Variants in ENOX1 observed in about 807,000 individuals in gnomAD.
ENOX1 encodes ecto-NOX disulfide-thiol exchanger 1.
A neutral mutation model predicts 82.5 loss-of-function variants in ENOX1; 42 were observed. The observed-to-expected ratio is 0.51, with a 90% CI of 0.40 to 0.66. The LOEUF (loss-of-function observed/expected upper bound fraction) is 0.66. Among genes scored for constraint, ENOX1 ranks in the 30% least tolerant of loss-of-function variants. ENOX1 has a pLI of 0.00. For synonymous variants in ENOX1, 271 were observed against 282.2 expected (o/e 0.96, Z 0.40); for missense variants, 608 against 811.6 (o/e 0.75, Z 3.05).
At chr13:43,768,953 CTG>C (rs1428238329) in intron 1 of ENOX1, among the ~76,000 whole-genome samples, 1 of 152,192 alleles carries the variant, frequency 6.6e-6, no homozygotes, top group East Asian at 1.9e-4. Flanking sequence ...ATACTTAACA[CTG>C]TGTTGCTTAT....
intron 2 of ENOX1, among the ~76,000 whole-genome samples, chr13:43,616,170 C>CTATATAGATAGA (rs1566641829): frequency 0.025 from 197 of 7,806 alleles, 7 homozygotes; most frequent in African/African-American, 0.06. Context: ...ATCTATCTAT[C>CTATATAGATAGA]TATCTATCTA....
At chr13:43,773,399 T>C (rs1028491067) in intron 1 of ENOX1, among the ~76,000 whole-genome samples, 6 of 152,242 alleles carry the variant, frequency 3.9e-5, no homozygotes, top group African/African-American at 1.4e-4. Flanking sequence ...TCAGTGGCTC[T>C]CCACTGCACA....
chr13:43,333,949 A>G lies in ENOX1; in HGVS notation c.1037-7424T>C, dbSNP rs1289311395. On this transcript the variant is annotated intron_variant, in intron 9 of 16. Transcript: ENST00000690772. ...TGTGATAGGCAATTTCTAATTACTT[A>G]GCCCTTACTGGGCTAGGCACTATGC... Among the ~76,000 whole-genome samples the G allele has an allele frequency of 2.0e-5, 3 of 152,364 alleles. No individual in the cohort carries two copies. In the South Asian group the frequency reaches 6.2e-4, roughly 32 times the overall value.
chr13:43,603,066 T>C (rs994323027), intron 2 of ENOX1, among the ~76,000 whole-genome samples: 1 of 152,120 alleles, frequency 6.6e-6, no homozygotes, highest in African/African-American at 2.4e-5. Flanking sequence ...GTGTTGAATA[T>C]TATAATGAAG....
chr13:43,669,429 CCCT>C (rs1412648815), intron 1 of ENOX1, among the ~76,000 whole-genome samples: 1 of 152,108 alleles, frequency 6.6e-6, no homozygotes. Context: ...CCTCCAAGTG[CCCT>C]CCTATCTCTA....
intron 2 of ENOX1, among the ~76,000 whole-genome samples, chr13:43,532,518 T>C (rs1045832677): frequency 6.6e-6 from 1 of 152,184 alleles, no homozygotes; most frequent in African/African-American, 2.4e-5. Flanking sequence ...CAATGGTTGG[T>C]AAAACTGCTA....
At chr13:43,441,324 T>G (rs9525774) in intron 3 of ENOX1, among the ~76,000 whole-genome samples, 57,763 of 152,042 alleles carry the variant, frequency 0.38, 11,689 homozygotes, top group South Asian at 0.47. Context: ...TGATTGAAAT[T>G]ACATTCTACT....
chr13:43,691,718 C>G (rs2086374667), intron 1 of ENOX1, among the ~76,000 whole-genome samples: 1 of 146,608 alleles, frequency 6.8e-6, no homozygotes, highest in Non-Finnish European at 1.5e-5. Flanking sequence ...TTTTTTTTTC[C>G]GAGACAGAGT....
intron 1 of ENOX1, among the ~76,000 whole-genome samples, chr13:43,776,591 T>C (rs1286079266): frequency 6.6e-6 from 1 of 152,084 alleles, no homozygotes. Flanking sequence ...ATGCAGAGAA[T>C]TGACTACTCA....
chr13:43,420,155 A>G (rs9316020), intron 3 of ENOX1, among the ~76,000 whole-genome samples: 29,918 of 152,210 alleles, frequency 0.2, 3,540 homozygotes, highest in Middle Eastern at 0.31. Context: ...CGATCTTCAC[A>G]TAGTCAGTGC....
intron 13 of ENOX1, among the ~76,000 whole-genome samples, chr13:43,266,964 T>G (rs1437179044): frequency 6.6e-6 from 1 of 152,198 alleles, no homozygotes; most frequent in Non-Finnish European, 1.5e-5. Flanking sequence ...CTCTCCTCTC[T>G]TTTAAATAAA....
At chr13:43,224,830 G>T (rs1359526550) in intron 15 of ENOX1, among the ~76,000 whole-genome samples, 2 of 152,198 alleles carry the variant, frequency 1.3e-5, no homozygotes, top group Admixed American at 1.3e-4. Flanking sequence ...TGTCAACATT[G>T]TACTGACAAA....
At chr13:43,490,041 C>A (rs144933961) in intron 2 of ENOX1, among the ~76,000 whole-genome samples, 5 of 152,090 alleles carry the variant, frequency 3.3e-5, no homozygotes, top group African/African-American at 4.8e-5. Flanking sequence ...TGGGTTCAAG[C>A]GATTCTCCTG....
chr13:43,631,195 A>G (rs2083202438), intron 2 of ENOX1, among the ~76,000 whole-genome samples: 2 of 152,236 alleles, frequency 1.3e-5, no homozygotes, highest in Admixed American at 6.5e-5. Flanking sequence ...GTCCTTTTCC[A>G]TAAATCTTTG....
chr13:43,445,494 T>A (rs150440777), intron 3 of ENOX1, among the ~76,000 whole-genome samples: 2 of 152,126 alleles, frequency 1.3e-5, no homozygotes, highest in East Asian at 3.9e-4. Context: ...CCATCTAGTG[T>A]TAAAACAGGG....
intron 3 of ENOX1, among the ~76,000 whole-genome samples, chr13:43,421,087 A>T (rs1259856874): frequency 6.6e-6 from 1 of 152,198 alleles, no homozygotes; most frequent in Non-Finnish European, 1.5e-5. Flanking sequence ...TGATGGAGAG[A>T]AAAGCCATTT....
At chr13:43,459,197 T>A (rs2057357250) in intron 3 of ENOX1, 1 of 152,252 alleles carries the variant, frequency 6.6e-6, no homozygotes, top group Non-Finnish European at 1.5e-5. Flanking sequence ...TTTAGACAGA[T>A]GAACACCAAA....
In ENOX1 at chr13:43,237,954, G is replaced by A. The variant is rs963126881; in HGVS notation, c.1612-1216C>T. Among the ~76,000 whole-genome samples, 3 of 152,316 alleles carry A rather than the reference G, an allele frequency of 2.0e-5. No homozygotes were observed. The East Asian group carries it at 5.8e-4, about 29-fold the overall frequency. On this transcript the variant is annotated intron_variant, in intron 14 of 16. Coordinates refer to ENST00000690772, the MANE Select transcript of ENOX1 (RefSeq NM_001347969.2). The stretch of plus-strand genomic sequence containing the variant: ...AATTGCAGTTGGTAATATCTGATAA[G>A]CATTTTAGAGGCTCCACTTAAGGTC...
chr13:43,344,768 C>A lies in ENOX1; in HGVS notation c.824-18G>T, dbSNP rs963706657. ...GCTATCATCTGGAAATGGAAAACCA[C>A]CAAGTACAAATCATGCCAAGATGAG... On this transcript the variant is annotated intron_variant, in intron 8 of 16. Coordinates refer to ENST00000690772, the MANE Select transcript of ENOX1 (RefSeq NM_001347969.2). 6.2e-7 allele frequency: 1 copy of A among 1,609,596 alleles called. No homozygotes were observed. Among genetic ancestry groups the A allele is most frequent in the Non-Finnish European group, 8.5e-7 (1 of 1,176,038 alleles).
Sources: gnomAD v4.1 joint callset for allele counts (sites outside exome capture counted in the v4.1 genomes callset) on GRCh38, gnomAD v4.1.1 for gene constraint, MANE v1.5 for transcripts, NCBI Gene and HGNC (gene_info 2026-07-23, HGNC 2026-07-21) for gene names.